Variants in BICRA observed in about 807,000 individuals in gnomAD.
BICRA encodes the protein BRD4 interacting chromatin remodeling complex associated protein.
In BICRA, 31 loss-of-function variants were observed where a neutral mutation model predicts 96.9. The observed-to-expected ratio is 0.32, with a 90% CI of 0.24 to 0.43. BICRA has a LOEUF of 0.43. BICRA is among the 20% of genes least tolerant of loss of function. The probability of loss-of-function intolerance (pLI) is 1.00; values close to 1 mark genes in which losing one functional copy is unlikely to be tolerated. For missense variants in BICRA, 2,283 were observed against 2,190.3 expected, an observed-to-expected ratio of 1.04 and a Z score of -0.84; for synonymous variants, 1,350 against 1,071.8, an observed-to-expected ratio of 1.26 and a Z score of -5.07.
Position 47,701,373 on chromosome 19 carries a change from C to G in BICRA, c.3641C>G (p.Ala1214Gly). The G allele has an allele frequency of 1.9e-6, 3 of 1,611,218 alleles. No homozygotes were observed. The highest frequency in any genetic ancestry group is 2.5e-6 in the Non-Finnish European group (3 of 1,179,190). The change falls in exon 15 of 15, where the codon GCC (alanine) becomes GGC (glycine). Residue 1214 changes from alanine (A) to glycine (G), a missense_variant. Coordinates refer to ENST00000594866, the MANE Select transcript of BICRA (RefSeq NM_001394372.1). This position sits in a 1 kb window ranked among gnomAD's most constrained non-coding sequence, Gnocchi z 5.4. ...SSRSLGLPIA[A>G]SSEGHRLPGH... ...CGCTCGCTCGGCCTCCCCATCGCAGCCTCTTCCGAGGGTCATCGGCTTCCC... is the reference window on the plus strand; with the variant it reads ...CGCTCGCTCGGCCTCCCCATCGCAGGCTCTTCCGAGGGTCATCGGCTTCCC...
At chr19:47,614,746 A>G (rs139492002) in intron 1 of BICRA, among the ~76,000 whole-genome samples, 110 of 152,276 alleles carry the variant, frequency 7.2e-4, no homozygotes, top group Non-Finnish European at 1.2e-3. Flanking sequence ...GTCTTCCTCT[A>G]TCTTTTTCTT....
intron 2 of BICRA, among the ~76,000 whole-genome samples, chr19:47,671,471 G>A (rs1972860410): frequency 6.6e-6 from 1 of 152,214 alleles, no homozygotes; most frequent in Non-Finnish European, 1.5e-5. Flanking sequence ...CACCATTCAG[G>A]GATCAGGTCT....
At chr19:47,609,716 C>A (rs948535329) in intron 1 of BICRA, among the ~76,000 whole-genome samples, 2 of 152,004 alleles carry the variant, frequency 1.3e-5, no homozygotes, top group African/African-American at 4.8e-5. Context: ...GGCGGAGAGC[C>A]TGCATCTCCC....
intron 1 of BICRA, among the ~76,000 whole-genome samples, chr19:47,636,102 A>G (rs947811685): frequency 1.3e-5 from 2 of 152,330 alleles, no homozygotes; most frequent in Admixed American, 6.5e-5. Flanking sequence ...CTCAGTTCCC[A>G]TCCCCAAGAC....
chr19:47,624,225 ATCTCCTACCCTTTTC>A (rs1343500003), intron 1 of BICRA, among the ~76,000 whole-genome samples: 1 of 152,090 alleles, frequency 6.6e-6, no homozygotes, highest in African/African-American at 2.4e-5. Flanking sequence ...GGCCTGGCTT[ATCTCCTACCCTTTTC>A]ATCTTGCCTT....
Position 47,696,484 on chromosome 19 carries a change from C to T in BICRA, c.3220C>T (p.Pro1074Ser), listed in dbSNP as rs1361555017. The T allele has an allele frequency of 6.9e-6, 11 of 1,604,826 alleles. No individual in the cohort carries two copies. The highest frequency in any genetic ancestry group is 1.7e-5 in the Admixed American group (1 of 58,858). The part of the protein sequence containing the change: ...ESKLSGLKKP[P>S]TLQPSKEACF... ...CAAACTGAGTGGCCTGAAGAAGCCC[C>T]CCACGCTTCAGCCCAGCAAGGAAGC... is the stretch of plus-strand genomic sequence containing the variant. The change falls in exon 11 of 15, where the codon CCC (proline) becomes TCC (serine). Residue 1074 changes from proline to serine, a missense_variant. Transcript: ENST00000594866.
chr19:47,671,588 T>C (rs1402527100), intron 2 of BICRA, among the ~76,000 whole-genome samples: 1 of 151,908 alleles, frequency 6.6e-6, no homozygotes, highest in African/African-American at 2.4e-5. Context: ...TGTGGGTATT[T>C]GGCAGAAGGG....
intron 1 of BICRA, among the ~76,000 whole-genome samples, chr19:47,615,525 T>G (rs1167805307): frequency 6.6e-6 from 1 of 152,216 alleles, no homozygotes; most frequent in Non-Finnish European, 1.5e-5. Context: ...TTCTGCTATT[T>G]GCTGGCTGAA....
chr19:47,702,351 G>T lies in BICRA; in HGVS notation c.4619G>T (p.Arg1540Met). The stretch of plus-strand genomic sequence containing the variant: ...CCCGCATCCCCGCCGCCCCTGCACA[G>T]GCCCGAGGCCTACCCACCCTCCAGT... ...GTPASPPPLH[R>M]PEAYPPSSHN... The change falls in exon 15 of 15, where the codon AGG becomes ATG. Residue 1540 changes from arginine to methionine, a missense_variant. Arg to Met is a moderately conservative substitution (Grantham distance 91). Coordinates refer to ENST00000594866, the MANE Select transcript of BICRA (RefSeq NM_001394372.1). 6.5e-7 allele frequency: 1 copy of T among 1,536,490 alleles called. No individual in the cohort carries two copies. Among genetic ancestry groups the T allele is most frequent in the Admixed American group, 2.1e-5 (1 of 48,632 alleles).
At position 47,698,938 on chromosome 19, in the gene BICRA, C is replaced by T. The variant is rs373267529; in HGVS notation, c.3398-27C>T. ...TCCGCGGCCGCCCCCAACATCTCCG[C>T]CCTTGCCTCTCTTCCCTTCCTCGCA... On this transcript the variant is annotated intron_variant, in intron 12 of 14. Transcript: ENST00000594866. This position sits in a 1 kb window ranked among gnomAD's most constrained non-coding sequence, Gnocchi z 4.8. The T allele has an allele frequency of 4.6e-6, 7 of 1,532,972 alleles. No individual in the cohort carries two copies. In the African/African-American group the frequency reaches 8.2e-5, roughly 18 times the overall value. The allele number at this position is 1,532,972 out of a possible 1,614,324, so 95.0% of individuals were successfully genotyped here.
chr19:47,634,146 G>A (rs965313177), intron 1 of BICRA, among the ~76,000 whole-genome samples: 4 of 152,178 alleles, frequency 2.6e-5, no homozygotes, highest in East Asian at 1.9e-4. Flanking sequence ...CTTGCCAGAC[G>A]AGTGAGAATG....
chr19:47,685,741 C>G lies in BICRA; in HGVS notation c.2283+3589C>G, dbSNP rs1038928393. On this transcript the variant is annotated intron_variant, in intron 7 of 14. Transcript: ENST00000594866. ...TGTACCCAGATGGATTTGGCAGCCT[C>G]TGTGTGTGTGTGTGTGTGTGTGTGT... Among the ~76,000 whole-genome samples the G allele has an allele frequency of 1.6e-4, 18 of 115,552 alleles. No homozygotes were observed. The South Asian group carries it at 3.6e-3, about 23-fold the overall frequency. The allele number at this position is 115,552 out of a possible 152,430, so 75.8% of individuals were successfully genotyped here.
chr19:47,653,091 C>T (rs922398083), intron 1 of BICRA, among the ~76,000 whole-genome samples: 1 of 144,986 alleles, frequency 6.9e-6, no homozygotes, highest in Non-Finnish European at 1.5e-5. Context: ...GTTATGTTCT[C>T]AGCTCACTGC....
chr19:47,613,649 T>C (rs1971942730), intron 1 of BICRA, among the ~76,000 whole-genome samples: 1 of 152,094 alleles, frequency 6.6e-6, no homozygotes, highest in Non-Finnish European at 1.5e-5. Flanking sequence ...TTTTGTCCCC[T>C]GTCTTGTCTG....
At chr19:47,637,561 A>G (rs1972318068) in intron 1 of BICRA, among the ~76,000 whole-genome samples, 1 of 152,170 alleles carries the variant, frequency 6.6e-6, no homozygotes, top group African/African-American at 2.4e-5. Flanking sequence ...ATATCATAAA[A>G]TCCAGCCATG....
chr19:47,665,296 C>G (rs909258646), intron 1 of BICRA, among the ~76,000 whole-genome samples: 1 of 152,210 alleles, frequency 6.6e-6, no homozygotes, highest in African/African-American at 2.4e-5. Context: ...TTCATTCATT[C>G]ATCCCACAGA....
Position 47,695,056 on chromosome 19 carries a change from G to T in BICRA, c.3052G>T (p.Ala1018Ser). ...CCCCACTGCCCCCAGCCACGCCCCC[G>T]CCCCGGCACCCATGGCCGCCACAGG... ...GTPTAPSHAP[A>S]PAPMAATGLP... The change falls in exon 9 of 15, where the codon GCC becomes TCC. Residue 1018 changes from alanine (A) to serine (S), a missense_variant. By Grantham distance (99) the Ala-to-Ser change is moderately conservative. Transcript: ENST00000594866. 1 of 1,496,744 alleles carries T rather than the reference G, an allele frequency of 6.7e-7. No individual in the cohort carries two copies. The highest frequency in any genetic ancestry group is 8.8e-7 in the Non-Finnish European group (1 of 1,133,148). 92.7% of individuals were successfully genotyped at this position (1,496,744 alleles called of 1,614,324 possible).
At chr19:47,688,209 G>A (rs764389717) in intron 7 of BICRA, among the ~76,000 whole-genome samples, 32 of 151,952 alleles carry the variant, frequency 2.1e-4, no homozygotes, top group Non-Finnish European at 3.7e-4. Context: ...AGGATCACCT[G>A]AGCCCAGGAG....
chr19:47,698,500 C>T lies in BICRA; in HGVS notation c.3249-134C>T. ...AAGCACGTTCAGTACATGGGAACAC[C>T]ACTGCCCAAGTATTCCCCTTCCCGC... On this transcript the variant is annotated intron_variant, in intron 11 of 14. Transcript: ENST00000594866. The surrounding 1 kb of genome is among the most constrained non-coding windows in gnomAD (Gnocchi z 4.8). 3.1e-6 allele frequency: 2 copies of T among 643,320 alleles called. No individual in the cohort carries two copies. Among genetic ancestry groups the T allele is most frequent in the Non-Finnish European group, 5.6e-6 (2 of 355,438 alleles). 39.9% of individuals were successfully genotyped at this position (643,320 alleles called of 1,614,324 possible). A position where few individuals can be genotyped will look rare whatever the true frequency, so the allele number is the denominator to read the frequency against.
Sources: allele counts gnomAD v4.1 joint callset (sites outside exome capture counted in the v4.1 genomes callset), GRCh38; gene constraint gnomAD v4.1.1; non-coding constraint Gnocchi (gnomAD v3.1); transcripts MANE v1.5; gene names NCBI Gene and HGNC (gene_info 2026-07-23, HGNC 2026-07-21).